The following ANP32B variants were observed in gnomAD, a reference collection of about 807,000 sequenced individuals.
ANP32B encodes the protein acidic leucine-rich nuclear phosphoprotein 32 family member B.
ANP32B carries 6 observed loss-of-function variants against 32.2 expected under a neutral mutation model. The observed-to-expected ratio is 0.19, with a 90% CI of 0.10 to 0.37. The LOEUF (loss-of-function observed/expected upper bound fraction) is 0.37, where lower values mean the gene tolerates loss of function less well. Among genes scored for constraint, ANP32B ranks in the 10% least tolerant of loss-of-function variants. The pLI is 1.00. For missense variants in ANP32B, 204 were observed against 289.2 expected (o/e 0.71, Z 2.14); for synonymous variants, 98 against 105.8 (o/e 0.93, Z 0.45).
Position 98,011,327 on chromosome 9 carries a change from G to A in ANP32B, c.574G>A (p.Glu192Lys). Residue 192 changes from glutamate (E) to lysine (K), a missense_variant, in exon 5 of 7, where the codon GAA becomes AAA. Glu to Lys is a moderately conservative substitution (Grantham distance 56). Transcript: ENST00000339399. ...DEDGEEEEFD[E>K]EDDEDEDVEG... ...GGATGGTGAAGAAGAGGAGTTTGATGAAGAAGATGATGAAGATGAAGATGT... is the reference window on the plus strand; with the variant it reads ...GGATGGTGAAGAAGAGGAGTTTGATAAAGAAGATGATGAAGATGAAGATGT... The A allele has an allele frequency of 1.9e-6, 3 of 1,550,104 alleles. No homozygotes were observed. The highest frequency in any genetic ancestry group is 1.2e-5 in the South Asian group (1 of 84,388).
At chr9:98,012,287 AATAAC>A in intron 5 of ANP32B, 129 bp from the exon 6 acceptor site, 2 of 1,123,562 alleles carry the variant, frequency 1.8e-6, no homozygotes, top group Non-Finnish European at 2.4e-6. Flanking sequence ...AGTAGATAAA[AATAAC>A]ATTACAGTTT....
intron 4 of ANP32B, among the ~76,000 whole-genome samples, chr9:98,010,953 C>T (rs1164864134): frequency 6.6e-6 from 1 of 152,074 alleles, no homozygotes; most frequent in Non-Finnish European, 1.5e-5. Context: ...AATTATTGGT[C>T]ATAGCTGATC....
intron 1 of ANP32B, among the ~76,000 whole-genome samples, chr9:97,989,786 T>C (rs988199259): frequency 1.3e-5 from 2 of 152,190 alleles, no homozygotes; most frequent in Non-Finnish European, 2.9e-5. Context: ...TGAAAAGAGA[T>C]GAGGCTTAGT....
At chr9:97,985,260 G>A (rs1002136964) in intron 1 of ANP32B, among the ~76,000 whole-genome samples, 1 of 152,104 alleles carries the variant, frequency 6.6e-6, no homozygotes, top group Non-Finnish European at 1.5e-5. Flanking sequence ...CGTCGACCAG[G>A]GTTTACCTGG....
intron 1 of ANP32B, among the ~76,000 whole-genome samples, chr9:97,990,814 C>CTTTTTTTTTTTTTTT (rs34489949): frequency 2.0e-5 from 2 of 98,870 alleles, no homozygotes; most frequent in African/African-American, 3.9e-5. Context: ...ACAGTTGAAC[C>CTTTTTTTTTTTTTTT]TTTTTTTTTT....
Position 98,010,113 on chromosome 9 carries a change from TGGG to T in ANP32B, c.518-1154_518-1152del, listed in dbSNP as rs549951058. ...CCAGTAAAGGACATTCCTTGGAAGG[TGGG>T]GGGCAGTTCCTGAGAGCAAAGATGG... On this transcript the variant is annotated intron_variant, in intron 4 of 6. Coordinates refer to ENST00000339399, the MANE Select transcript of ANP32B (RefSeq NM_006401.3). Among the ~76,000 whole-genome samples the T allele has an allele frequency of 1.3e-4, 20 of 151,926 alleles. No individual in the cohort carries two copies. The East Asian group carries it at 3.5e-3, about 27-fold the overall frequency.
Sources: allele counts gnomAD v4.1 joint callset (sites outside exome capture counted in the v4.1 genomes callset), GRCh38; gene constraint gnomAD v4.1.1; transcripts MANE v1.5; gene names NCBI Gene and HGNC (gene_info 2026-07-23, HGNC 2026-07-21).